TTC21A: variants seen among roughly 807,000 people sequenced by gnomAD.
TTC21A encodes tetratricopeptide repeat protein 21A.
Under a neutral mutation model 156.4 loss-of-function variants are expected in TTC21A, and 128 were observed. The ratio of observed to expected loss-of-function variants is 0.82; its 90% confidence interval spans 0.71 to 0.95. The LOEUF is 0.95. Ranked by LOEUF, TTC21A falls within the 40% of genes least tolerant of loss-of-function variation. The pLI is 0.00. For missense variants in TTC21A, 1,435 were observed against 1,602.3 expected (o/e 0.90, Z 1.78); for synonymous variants, 587 against 617.1 (o/e 0.95, Z 0.72).
At chr3:39,124,359 AT>A (rs1339012425) in intron 9 of TTC21A, among the ~76,000 whole-genome samples, 3 of 152,158 alleles carry the variant, frequency 2.0e-5, no homozygotes, top group Non-Finnish European at 4.4e-5. Flanking sequence ...TCATATACAA[AT>A]TTTAAAAAGC....
Position 39,135,183 on chromosome 3 carries a change from G to T in TTC21A, c.2944+9G>T. On this transcript the variant is annotated intron_variant, in intron 22 of 28. Transcript: ENST00000683103. ...CTTGGAGAAAGCGCCAGGTAATTCT[G>T]CCCATGGAGACTGCCTGTACCAGTT... The T allele has an allele frequency of 1.2e-6, 2 of 1,612,952 alleles. No individual in the cohort carries two copies. The highest frequency in any genetic ancestry group is 2.2e-5 in the South Asian group (2 of 91,054).
intron 8 of TTC21A, among the ~76,000 whole-genome samples, chr3:39,120,263 G>A (rs1362297853): frequency 2.0e-5 from 3 of 152,138 alleles, no homozygotes; most frequent in Non-Finnish European, 2.9e-5. Flanking sequence ...CAGGGAGACG[G>A]GGTCTGAAAG....
intron 3 of TTC21A, 151 bp downstream of exon 3, chr3:39,110,290 C>T (rs2036699819): frequency 4.3e-6 from 3 of 700,940 alleles, no homozygotes; most frequent in Non-Finnish European, 7.7e-6. Flanking sequence ...GGCTGCTGCT[C>T]CTCTCCCCCT....
intron 13 of TTC21A, 46 bp downstream of exon 13, chr3:39,128,534 G>T (rs776156874): frequency 5.0e-6 from 8 of 1,611,530 alleles, no homozygotes; most frequent in Non-Finnish European, 6.8e-6. Flanking sequence ...CCAGCTAGCT[G>T]TGGCCCCTGT....
Position 39,137,643 on chromosome 3 carries a change from T to C in TTC21A, c.3608T>C (p.Ile1203Thr), listed in dbSNP as rs1400733258. 1.1e-5 allele frequency: 17 copies of C among 1,614,040 alleles called. 1 individual carries two copies. The highest frequency in any genetic ancestry group is 1.4e-5 in the Non-Finnish European group (17 of 1,180,030). Residue 1203 changes from isoleucine to threonine, a missense_variant, in exon 26 of 29, where the codon ATT (isoleucine) becomes ACT (threonine). Transcript: ENST00000683103. ...AAGAGCTGGCTCCTGCTGGCTGACA[T>C]TTACTGCCAGGGCAGCAAGTTCGAC... The part of the protein sequence containing the change: ...LEKSWLLLAD[I>T]YCQGSKFDLA...
intron 5 of TTC21A, 145 bp from the exon 6 acceptor site, chr3:39,114,440 C>T (rs2037104474): frequency 2.7e-6 from 2 of 740,720 alleles, no homozygotes; most frequent in South Asian, 3.2e-5. Context: ...CTTTGAGGGG[C>T]TACTGGCCCA....
At chr3:39,132,794 G>A in intron 19 of TTC21A, 1 of 535,700 alleles carries the variant, frequency 1.9e-6, no homozygotes, top group South Asian at 2.2e-5. Context: ...AGGTGTGATG[G>A]AAGCAGGTAA....
Position 39,137,792 on chromosome 3 carries a change from G to A in TTC21A, c.3675+82G>A, listed in dbSNP as rs185838477. 6,090 of 1,423,874 alleles carry A rather than the reference G, an allele frequency of 4.3e-3. 22 individuals carry two copies. The highest frequency in any genetic ancestry group is 4.7e-3 in the Non-Finnish European group (4,933 of 1,045,514). 88.2% of individuals were successfully genotyped at this position (1,423,874 alleles called of 1,614,324 possible). A position where few individuals can be genotyped will look rare whatever the true frequency, so the allele number is the denominator to read the frequency against. Reference sequence around the variant, plus strand: ...CCAGGAAGGTGAAGCAGGCTTTGCAGGTAGAGGCCATATGGAATAAGAACT... The same window carrying A: ...CCAGGAAGGTGAAGCAGGCTTTGCAAGTAGAGGCCATATGGAATAAGAACT... On this transcript the variant is annotated intron_variant, in intron 26 of 28. Coordinates refer to ENST00000683103, the MANE Select transcript of TTC21A (RefSeq NM_001366900.1).
intron 5 of TTC21A, among the ~76,000 whole-genome samples, chr3:39,114,209 T>C (rs1413644175): frequency 3.3e-5 from 5 of 152,288 alleles, no homozygotes; most frequent in South Asian, 4.1e-4. Flanking sequence ...TGAGGAAATA[T>C]GGAAAAGTGA....
At position 39,134,203 on chromosome 3, in the gene TTC21A, C is replaced by A; in HGVS notation, c.2752-15C>A. ...GTGTTTACTAGTTAGTTTATTATAT[C>A]CGGCCTTGTCCCAGGTGATGCTGGA... On this transcript the variant is annotated splice_polypyrimidine_tract_variant and intron_variant, in intron 20 of 28. Coordinates refer to ENST00000683103, the MANE Select transcript of TTC21A (RefSeq NM_001366900.1). This position sits in a 1 kb window ranked among gnomAD's most constrained non-coding sequence, Gnocchi z 4.6. 1.3e-6 allele frequency: 2 copies of A among 1,581,780 alleles called. No individual in the cohort carries two copies. Among genetic ancestry groups the A allele is most frequent in the Non-Finnish European group, 1.7e-6 (2 of 1,150,802 alleles).
At chr3:39,127,593 G>A (rs1359297238) in intron 12 of TTC21A, among the ~76,000 whole-genome samples, 3 of 152,168 alleles carry the variant, frequency 2.0e-5, no homozygotes, top group African/African-American at 7.2e-5. Flanking sequence ...TACCCACCAG[G>A]TTATGGATCC....
intron 4 of TTC21A, 129 bp downstream of exon 4, chr3:39,111,146 C>T: frequency 9.9e-7 from 1 of 1,008,452 alleles, no homozygotes; most frequent in Non-Finnish European, 1.4e-6. Context: ...TGGCAAAACA[C>T]CGGGTCTCAC....
Position 39,135,075 on chromosome 3 carries a change from TTG to T in TTC21A, c.2863-12_2863-11del, listed in dbSNP as rs2039013039. The T allele has an allele frequency of 5.6e-6, 9 of 1,612,470 alleles. No individual in the cohort carries two copies. The highest frequency in any genetic ancestry group is 1.3e-5 in the African/African-American group (1 of 74,852). The stretch of plus-strand genomic sequence containing the variant: ...TGCCACTGTTGGGAAATCTGGAGCT[TTG>T]TGTGTTTTCTGATAGTTGATGGCTG... On this transcript the variant is annotated splice_polypyrimidine_tract_variant and intron_variant, in intron 21 of 28. Transcript: ENST00000683103.
chr3:39,110,818 A>T (rs913493779), intron 3 of TTC21A, 33 bp from the exon 4 acceptor site: 4 of 1,612,134 alleles, frequency 2.5e-6, no homozygotes, highest in African/African-American at 2.7e-5. Flanking sequence ...CCACATCCTA[A>T]CTCTCCCTCT....
At position 39,125,401 on chromosome 3, in the gene TTC21A, C is replaced by T; in HGVS notation, c.1261C>T (p.Leu421=). The change falls in exon 11 of 29, where the codon CTG becomes TTG. Residue 421 remains leucine (L), a synonymous_variant. Coordinates refer to ENST00000683103, the MANE Select transcript of TTC21A (RefSeq NM_001366900.1). The part of the protein sequence containing the change: ...HKGEEETTAL[L]KEAVELHFSS... ...GGGGGAGGAAGAGACCACAGCGCTCCTGAAGGAGGCAGTGGAGCTTCACTT... is the reference window on the plus strand; with the variant it reads ...GGGGGAGGAAGAGACCACAGCGCTCTTGAAGGAGGCAGTGGAGCTTCACTT... 1 of 1,614,158 alleles carries T rather than the reference C, an allele frequency of 6.2e-7. No homozygotes were observed. Among genetic ancestry groups the T allele is most frequent in the Non-Finnish European group, 8.5e-7 (1 of 1,179,974 alleles).
rs941645784 is a variant in TTC21A, at chr3:39,137,615, G to C, written c.3580G>C (p.Glu1194Gln). The change falls in exon 26 of 29, where the codon GAG becomes CAG. Residue 1194 changes from glutamate (E) to glutamine (Q), a missense_variant. By Grantham distance (29) the Glu-to-Gln change is conservative. Transcript: ENST00000683103. ...PWVLSEAEDLEKSWLLLADIY... is the reference protein window; with the variant it reads ...PWVLSEAEDLQKSWLLLADIY... Reference sequence around the variant, plus strand: ...GGTGCTGAGTGAGGCTGAGGACCTGGAGAAGAGCTGGCTCCTGCTGGCTGA... The same window carrying C: ...GGTGCTGAGTGAGGCTGAGGACCTGCAGAAGAGCTGGCTCCTGCTGGCTGA... 10 of 1,614,212 alleles carry C rather than the reference G, an allele frequency of 6.2e-6. No homozygotes were observed. Among genetic ancestry groups the C allele is most frequent in the Non-Finnish European group, 7.6e-6 (9 of 1,180,020 alleles).
At chr3:39,133,355 A>G (rs2038879251) in intron 20 of TTC21A, 115 bp downstream of exon 20, 1 of 1,092,276 alleles carries the variant, frequency 9.2e-7, no homozygotes, top group Non-Finnish European at 1.3e-6. Flanking sequence ...GAGGAGTCAC[A>G]GATATGATGG....
intron 4 of TTC21A, among the ~76,000 whole-genome samples, 197 bp downstream of exon 4, chr3:39,111,214 C>T (rs1468742130): frequency 6.6e-6 from 1 of 152,206 alleles, no homozygotes; most frequent in Non-Finnish European, 1.5e-5. Context: ...GGCATTTGTA[C>T]ACAGAGTCTG....
At chr3:39,115,643 G>A (rs902006016) in intron 6 of TTC21A, among the ~76,000 whole-genome samples, 4 of 152,004 alleles carry the variant, frequency 2.6e-5, no homozygotes, top group African/African-American at 9.7e-5. Context: ...CTCCAGCCTG[G>A]GTGACAGAAT....
Sources: gnomAD v4.1 joint callset for allele counts (sites outside exome capture counted in the v4.1 genomes callset) on GRCh38, gnomAD v4.1.1 for gene constraint, Gnocchi (gnomAD v3.1) non-coding constraint, MANE v1.5 for transcripts, NCBI Gene and HGNC (gene_info 2026-07-23, HGNC 2026-07-21) for gene names.